PTPRJ: variants seen among roughly 807,000 people sequenced by gnomAD.
PTPRJ encodes the protein receptor-type tyrosine-protein phosphatase eta.
A neutral mutation model predicts 141.3 loss-of-function variants in PTPRJ; 129 were observed. The observed-to-expected ratio is 0.91, with a 90% CI of 0.79 to 1.06. The LOEUF (loss-of-function observed/expected upper bound fraction) is 1.06, where lower values mean the gene tolerates loss of function less well. Ranked by LOEUF, PTPRJ falls within the 50% of genes least tolerant of loss-of-function variation. The pLI, the probability that PTPRJ is intolerant of heterozygous loss-of-function variation, is 0.00. For missense variants in PTPRJ, 1,601 were observed against 1,679.7 expected (o/e 0.95, Z 0.82); for synonymous variants, 610 against 640.5 (o/e 0.95, Z 0.72).
chr11:48,075,219 C>G (rs1174102820), intron 1 of PTPRJ, among the ~76,000 whole-genome samples: 2 of 152,162 alleles, frequency 1.3e-5, no homozygotes, highest in Admixed American at 6.5e-5. Flanking sequence ...TCTCAGCTCA[C>G]TACAACCTCT....
intron 1 of PTPRJ, among the ~76,000 whole-genome samples, chr11:48,035,020 C>T (rs549317424): frequency 6.6e-5 from 10 of 152,324 alleles, no homozygotes; most frequent in East Asian, 5.8e-4. Context: ...AATTCAAACT[C>T]GAGTTTGTCT....
intron 1 of PTPRJ, among the ~76,000 whole-genome samples, chr11:48,065,019 T>C (rs1855048379): frequency 7.0e-6 from 1 of 142,538 alleles, no homozygotes; most frequent in African/African-American, 2.7e-5. Flanking sequence ...TTTTTTTTTT[T>C]TTTTTTTTTT....
intron 1 of PTPRJ, chr11:48,015,865 A>AG (rs1398625369): frequency 1.3e-5 from 2 of 152,428 alleles, no homozygotes; most frequent in African/African-American, 2.4e-5. Flanking sequence ...AAAAAAAAAA[A>AG]AAAAAAAAAA....
At chr11:47,981,101 C>T in intron 1 of PTPRJ, 93 bp downstream of exon 1, 1 of 1,143,530 alleles carries the variant, frequency 8.7e-7, no homozygotes, top group Non-Finnish European at 1.1e-6. Context: ...CGGGGGGTTC[C>T]GGGGAAGGGG....
intron 12 of PTPRJ, among the ~76,000 whole-genome samples, chr11:48,144,083 G>A (rs1374790488): frequency 6.6e-6 from 1 of 152,022 alleles, no homozygotes; most frequent in Admixed American, 6.6e-5. Flanking sequence ...CTCCTACTGT[G>A]GTGCTGTCCT....
chr11:48,039,875 G>A (rs959975059), intron 1 of PTPRJ, among the ~76,000 whole-genome samples: 2 of 151,660 alleles, frequency 1.3e-5, no homozygotes, highest in East Asian at 3.9e-4. Flanking sequence ...TGCAGCCTCC[G>A]CTTCCCGGGT....
At chr11:48,159,767 TATAAA>T (rs1857717180) in intron 21 of PTPRJ, among the ~76,000 whole-genome samples, 158 bp from the exon 22 acceptor site, 1 of 152,038 alleles carries the variant, frequency 6.6e-6, no homozygotes, top group Non-Finnish European at 1.5e-5. Context: ...ACCCTGTCTC[TATAAA>T]ATAAAATAAA....
intron 1 of PTPRJ, among the ~76,000 whole-genome samples, chr11:48,064,977 G>GGGC (rs35387232): frequency 0.027 from 4,000 of 150,778 alleles, 74 homozygotes; most frequent in Non-Finnish European, 0.041. Flanking sequence ...AGCACCAGTG[G>GGGC]GGCTGAGACC....
chr11:48,052,635 A>G (rs1854603986), intron 1 of PTPRJ, among the ~76,000 whole-genome samples: 1 of 152,144 alleles, frequency 6.6e-6, no homozygotes, highest in African/African-American at 2.4e-5. Context: ...GGAGCAACTT[A>G]ATCAGTGGGA....
At chr11:48,074,513 C>T (rs906565339) in intron 1 of PTPRJ, among the ~76,000 whole-genome samples, 5 of 152,224 alleles carry the variant, frequency 3.3e-5, no homozygotes, top group Non-Finnish European at 7.3e-5. Flanking sequence ...GGCAAAGACT[C>T]TCTCCCCACC....
At chr11:47,995,071 G>A (rs889718000) in intron 1 of PTPRJ, among the ~76,000 whole-genome samples, 1 of 152,078 alleles carries the variant, frequency 6.6e-6, no homozygotes, top group African/African-American at 2.4e-5. Flanking sequence ...ATTATGTGGA[G>A]GTACCTTAAT....
At chr11:48,131,827 C>T in intron 8 of PTPRJ, 1 of 329,576 alleles carries the variant, frequency 3.0e-6, no homozygotes, top group Non-Finnish European at 5.5e-6. Context: ...TAGGTTCTTT[C>T]AAGGGGTCTC....
chr11:48,151,390 T>G (rs1857477243), intron 18 of PTPRJ, among the ~76,000 whole-genome samples: 1 of 150,690 alleles, frequency 6.6e-6, no homozygotes. Context: ...AGGACACTAG[T>G]CATATGGGAT....
At chr11:48,067,950 A>C (rs1590461717) in intron 1 of PTPRJ, among the ~76,000 whole-genome samples, 3 of 152,324 alleles carry the variant, frequency 2.0e-5, no homozygotes, top group Admixed American at 2.0e-4. Context: ...AGGCCCCGAA[A>C]AATATTAATC....
chr11:48,110,596 G>A (rs61915880), intron 2 of PTPRJ, among the ~76,000 whole-genome samples: 4,657 of 152,328 alleles, frequency 0.031, 108 homozygotes, highest in Non-Finnish European at 0.046. Context: ...TATATTTTCT[G>A]TAATTTTTTT....
At position 48,101,765 on chromosome 11, in the gene PTPRJ, C is replaced by T. The variant is rs1053335976; in HGVS notation, c.97-8293C>T. On this transcript the variant is annotated intron_variant, in intron 1 of 24. Transcript: ENST00000418331. ...TCCGTATTCTAAGGTGGACGAGCGG[C>T]GCAGGAGAGAACTGGTAGGATTAAT... Among the ~76,000 whole-genome samples the T allele has an allele frequency of 3.9e-5, 6 of 152,140 alleles. No individual in the cohort carries two copies. In the East Asian group the frequency reaches 9.6e-4, roughly 24 times the overall value.
intron 2 of PTPRJ, 38 bp from the exon 3 acceptor site, chr11:48,112,709 A>G (rs77238727): frequency 0.04 from 59,432 of 1,475,220 alleles, 1,429 homozygotes; most frequent in Non-Finnish European, 0.046. Context: ...TCCTGGAGAA[A>G]TATATTTTTA....
intron 6 of PTPRJ, among the ~76,000 whole-genome samples, chr11:48,126,322 C>T (rs983439972): frequency 9.9e-5 from 15 of 152,026 alleles, no homozygotes; most frequent in Non-Finnish European, 1.8e-4. Flanking sequence ...CACACACATC[C>T]TGCTTTGGGT....
At chr11:48,012,756 T>C (rs1280976754) in intron 1 of PTPRJ, among the ~76,000 whole-genome samples, 1 of 152,134 alleles carries the variant, frequency 6.6e-6, no homozygotes, top group Non-Finnish European at 1.5e-5. Flanking sequence ...ATTAAAAAAA[T>C]ACTAGCTTTA....
Sources: gnomAD v4.1 joint callset for allele counts (sites outside exome capture counted in the v4.1 genomes callset) on GRCh38, gnomAD v4.1.1 for gene constraint, MANE v1.5 for transcripts, NCBI Gene and HGNC (gene_info 2026-07-23, HGNC 2026-07-21) for gene names.